BMP7: variants seen among roughly 807,000 people sequenced by gnomAD.
BMP7 encodes bone morphogenetic protein 7, also known as osteogenic protein 1.
In BMP7, 12 loss-of-function variants were observed where a neutral mutation model predicts 41.2. That is an observed-to-expected ratio of 0.29 (90% CI 0.19 to 0.47). The LOEUF is 0.47. Ranked by LOEUF, BMP7 falls within the 20% of genes least tolerant of loss-of-function variation. The probability of loss-of-function intolerance (pLI) is 0.99; values close to 1 mark genes in which losing one functional copy is unlikely to be tolerated. For synonymous variants in BMP7, 248 were observed against 250.0 expected, an observed-to-expected ratio of 0.99 and a Z score of 0.07; for missense variants, 467 against 606.0, an observed-to-expected ratio of 0.77 and a Z score of 2.41.
At chr20:57,225,553 G>A (rs891458497) in intron 2 of BMP7, among the ~76,000 whole-genome samples, 3 of 151,762 alleles carry the variant, frequency 2.0e-5, no homozygotes, top group Admixed American at 6.5e-5. Context: ...AAAAACTGAG[G>A]CTCTGAGAGA....
At position 57,261,618 on chromosome 20, in the gene BMP7, G is replaced by A. The variant is rs1458525760; in HGVS notation, c.418+4087C>T. On this transcript the variant is annotated intron_variant, in intron 1 of 6. Coordinates refer to ENST00000395863, the MANE Select transcript of BMP7 (RefSeq NM_001719.3). This position sits in a 1 kb window ranked among gnomAD's most constrained non-coding sequence, Gnocchi z 4.1. ...GCTGTTGGTGCACTCCTATAGCAAAGGCGCTCTGCAGAAAGAAAGAAGGGG... is the reference window on the plus strand; with the variant it reads ...GCTGTTGGTGCACTCCTATAGCAAAAGCGCTCTGCAGAAAGAAAGAAGGGG... 6.6e-6 allele frequency among the ~76,000 whole-genome samples: 1 copy of A among 152,194 alleles called. No individual in the cohort carries two copies. The highest frequency in any genetic ancestry group is 6.5e-5 in the Admixed American group (1 of 15,286).
chr20:57,216,421 G>A (rs189721284), intron 2 of BMP7, among the ~76,000 whole-genome samples: 12 of 152,276 alleles, frequency 7.9e-5, no homozygotes, highest in Non-Finnish European at 1.2e-4. Context: ...AGAACACTGT[G>A]GGCCTGGGAC....
chr20:57,251,531 T>A (rs1223793326), intron 1 of BMP7, among the ~76,000 whole-genome samples: 2 of 152,198 alleles, frequency 1.3e-5, no homozygotes, highest in South Asian at 4.1e-4. Context: ...GGGGACATCC[T>A]TTAACCTACA....
chr20:57,210,585 T>C (rs1984856163), intron 2 of BMP7, among the ~76,000 whole-genome samples: 1 of 152,202 alleles, frequency 6.6e-6, no homozygotes, highest in Non-Finnish European at 1.5e-5. Context: ...CCAGGGAAGA[T>C]GGCCCTGAAA....
At chr20:57,252,872 G>T (rs2066119502) in intron 1 of BMP7, among the ~76,000 whole-genome samples, 1 of 152,110 alleles carries the variant, frequency 6.6e-6, no homozygotes, top group Admixed American at 6.5e-5. Context: ...TGCCCCCCAG[G>T]GTACAGTTAG....
intron 3 of BMP7, among the ~76,000 whole-genome samples, chr20:57,200,780 G>C (rs1984601261): frequency 6.6e-6 from 1 of 152,076 alleles, no homozygotes; most frequent in Admixed American, 6.5e-5. Context: ...GGGTGACAGA[G>C]ACTCCATCTC....
chr20:57,182,952 T>A (rs1984118591), intron 4 of BMP7, among the ~76,000 whole-genome samples: 1 of 152,248 alleles, frequency 6.6e-6, no homozygotes, highest in Non-Finnish European at 1.5e-5. Context: ...ACCTACCACC[T>A]GGCCGGGTGC....
At chr20:57,185,475 G>A (rs1281520159) in intron 3 of BMP7, among the ~76,000 whole-genome samples, 1 of 152,274 alleles carries the variant, frequency 6.6e-6, no homozygotes, top group Non-Finnish European at 1.5e-5. Context: ...CAAGCCCCTG[G>A]AAGAAGGGAG....
At chr20:57,189,115 CT>C (rs1167975640) in intron 3 of BMP7, among the ~76,000 whole-genome samples, 2 of 152,244 alleles carry the variant, frequency 1.3e-5, no homozygotes, top group Non-Finnish European at 2.9e-5. Flanking sequence ...ACAGCTAGGT[CT>C]TTTTGTCCCT....
At chr20:57,208,416 G>T (rs1199275128) in intron 2 of BMP7, among the ~76,000 whole-genome samples, 1 of 152,166 alleles carries the variant, frequency 6.6e-6, no homozygotes, top group Non-Finnish European at 1.5e-5. Flanking sequence ...AGGATGACTA[G>T]AGCCAAAACC....
chr20:57,241,771 T>C (rs983485833), intron 1 of BMP7, among the ~76,000 whole-genome samples: 1 of 152,180 alleles, frequency 6.6e-6, no homozygotes, highest in Admixed American at 6.5e-5. Flanking sequence ...CCAGAGGGAA[T>C]GATTGTACCA....
chr20:57,202,649 G>A, intron 2 of BMP7, 26 bp from the exon 3 acceptor site: 1 of 1,605,100 alleles, frequency 6.2e-7, no homozygotes, highest in African/African-American at 1.3e-5. Context: ...AGAGACACGG[G>A]CTTCGCGTTA....
intron 3 of BMP7, among the ~76,000 whole-genome samples, chr20:57,200,679 C>T (rs2123087661): frequency 6.6e-6 from 1 of 152,230 alleles, no homozygotes; most frequent in Non-Finnish European, 1.5e-5. Context: ...GCCTGTAGTC[C>T]CAGCTACTCA....
chr20:57,175,878 A>G (rs1484515637), intron 4 of BMP7, among the ~76,000 whole-genome samples: 7 of 152,056 alleles, frequency 4.6e-5, no homozygotes, highest in African/African-American at 1.7e-4. Context: ...ACCAAACACC[A>G]AGCTCACTCC....
intron 1 of BMP7, among the ~76,000 whole-genome samples, chr20:57,234,402 C>T (rs2066040178): frequency 6.6e-6 from 1 of 152,218 alleles, no homozygotes. Context: ...GCACGGAGGA[C>T]TGAGGTTGGA....
chr20:57,225,665 G>C (rs2180780), intron 2 of BMP7, among the ~76,000 whole-genome samples: 98,543 of 152,044 alleles, frequency 0.65, 33,735 homozygotes, highest in African/African-American at 0.89. Context: ...GTTCTAGGTT[G>C]AAAAACAAAA....
At position 57,221,762 on chromosome 20, in the gene BMP7, G is replaced by A. The variant is rs544240476; in HGVS notation, c.611+6467C>T. ...GGAGGTCGAGGCTGCAGTGAGCTGT[G>A]ATCACTCCACTGCACTCCAGCAGAG... On this transcript the variant is annotated intron_variant, in intron 2 of 6. Transcript: ENST00000395863. Among the ~76,000 whole-genome samples, 5 of 147,354 alleles carry A rather than the reference G, an allele frequency of 3.4e-5. No homozygotes were observed. The South Asian group carries it at 1.1e-3, about 32-fold the overall frequency.
chr20:57,236,785 C>T (rs975634443), intron 1 of BMP7, among the ~76,000 whole-genome samples: 4 of 150,960 alleles, frequency 2.6e-5, no homozygotes, highest in South Asian at 2.1e-4. Flanking sequence ...AAACACCTGA[C>T]GAGCAAGACT....
Position 57,266,075 on chromosome 20 carries a change from C to G in BMP7, c.48G>C (p.Ala16=). 1 of 1,538,940 alleles carries G rather than the reference C, an allele frequency of 6.5e-7. No individual in the cohort carries two copies. The highest frequency in any genetic ancestry group is 2.4e-5 in the East Asian group (1 of 40,888). ...GCAGCAGGAACAGGGGTGCCCAGAGCGCCACGAAGCTGTGCGGCGCCGCAG... is the reference window on the plus strand; with the variant it reads ...GCAGCAGGAACAGGGGTGCCCAGAGGGCCACGAAGCTGTGCGGCGCCGCAG... ...LRAAAPHSFV[A]LWAPLFLLRS... The change falls in exon 1 of 7, where the codon GCG becomes GCC. Residue 16 remains alanine (A), a synonymous_variant. Transcript: ENST00000395863.
Sources: gnomAD v4.1 joint callset for allele counts (sites outside exome capture counted in the v4.1 genomes callset) on GRCh38, gnomAD v4.1.1 for gene constraint, Gnocchi (gnomAD v3.1) non-coding constraint, MANE v1.5 for transcripts, NCBI Gene and HGNC (gene_info 2026-07-23, HGNC 2026-07-21) for gene names.